Variants in CUEDC1 observed in about 807,000 individuals in gnomAD.
CUEDC1 encodes CUE domain containing 1.
In CUEDC1, 30 loss-of-function variants were observed where a neutral mutation model predicts 43.7. The ratio of observed to expected loss-of-function variants is 0.69; its 90% CI spans 0.51 to 0.93. CUEDC1 has a LOEUF of 0.93. CUEDC1 is among the 40% of genes least tolerant of loss of function. CUEDC1 has a pLI of 0.00. For missense variants in CUEDC1, 486 were observed against 549.0 expected (o/e 0.89, Z 1.15); for synonymous variants, 223 against 223.6 (o/e 1.00, Z 0.02).
chr17:57,905,277 C>CACACAT (rs1555565851), intron 1 of CUEDC1, among the ~76,000 whole-genome samples: 3,443 of 151,160 alleles, frequency 0.023, 85 homozygotes, highest in South Asian at 0.1. Context: ...CACACACACA[C>CACACAT]ACACACACAC....
At chr17:57,909,394 C>T (rs76336067) in intron 1 of CUEDC1, among the ~76,000 whole-genome samples, 2 of 152,140 alleles carry the variant, frequency 1.3e-5, no homozygotes, top group African/African-American at 4.8e-5. Context: ...TTGAACAGGA[C>T]GTATTTTAGA....
At chr17:57,916,785 C>G (rs1338360484) in intron 1 of CUEDC1, among the ~76,000 whole-genome samples, 1 of 152,218 alleles carries the variant, frequency 6.6e-6, no homozygotes, top group Admixed American at 6.5e-5. Flanking sequence ...TGAGCACTTA[C>G]TTTACAAAAG....
intron 1 of CUEDC1, among the ~76,000 whole-genome samples, chr17:57,911,387 G>A (rs1011992813): frequency 1.3e-5 from 2 of 152,218 alleles, no homozygotes; most frequent in Non-Finnish European, 2.9e-5. Context: ...CCTCTTAAGG[G>A]TGGTTTGGTA....
intron 1 of CUEDC1, among the ~76,000 whole-genome samples, chr17:57,917,688 C>T (rs73993002): frequency 0.022 from 3,305 of 152,274 alleles, 125 homozygotes; most frequent in African/African-American, 0.074. Flanking sequence ...GAGTAAGTGG[C>T]AAAGCTAGGA....
chr17:57,938,761 C>T (rs182966075), intron 1 of CUEDC1, among the ~76,000 whole-genome samples: 94 of 152,088 alleles, frequency 6.2e-4, no homozygotes, highest in Non-Finnish European at 1.3e-4. Context: ...CTCCCGGGTT[C>T]GAGCGATTCT....
Position 57,862,049 on chromosome 17 carries a change from G to A in CUEDC1, c.*1240C>T, listed in dbSNP as rs944039598. On this transcript the variant is annotated 3_prime_UTR_variant, in exon 11 of 11. Coordinates refer to ENST00000577830, the MANE Select transcript of CUEDC1 (RefSeq NM_001271875.2). ...TACGCCCTTGTGATCTTGGGGCCAC[G>A]GAGGCCACCAGGGCCCGGCCAAGGA... The A allele has an allele frequency of 3.9e-5, 6 of 152,208 alleles. No homozygotes were observed. The highest frequency in any genetic ancestry group is 1.4e-4 in the African/African-American group (6 of 41,462). The allele number at this position is 152,208 out of a possible 1,614,324, so 9.4% of individuals were successfully genotyped here.
rs1442774556 is a variant in CUEDC1 at position 57,931,278 on chromosome 17, C to CA, written c.-316+23946dup. Among the ~76,000 whole-genome samples, 9 of 150,002 alleles carry CA rather than the reference C, an allele frequency of 6.0e-5. No individual in the cohort carries two copies. The East Asian group carries it at 9.7e-4, about 16-fold the overall frequency. On this transcript the variant is annotated intron_variant, in intron 1 of 10. Coordinates refer to ENST00000577830, the MANE Select transcript of CUEDC1 (RefSeq NM_001271875.2). ...TGGGTGACTAAGTGACATCCTGTCT[C>CA]AAAAAAAAGAAAGAAAGAAAAAAGA... is the stretch of plus-strand genomic sequence containing the variant.
intron 1 of CUEDC1, among the ~76,000 whole-genome samples, chr17:57,921,301 T>C (rs1027715436): frequency 1.3e-5 from 2 of 152,222 alleles, no homozygotes; most frequent in Admixed American, 1.3e-4. Flanking sequence ...GGCATAAAAG[T>C]TCCTTGTGAA....
intron 1 of CUEDC1, among the ~76,000 whole-genome samples, chr17:57,907,981 T>C (rs1456620712): frequency 6.6e-6 from 1 of 152,070 alleles, no homozygotes; most frequent in Non-Finnish European, 1.5e-5. Flanking sequence ...GGGAATAAGA[T>C]AAAAACTGCC....
intron 1 of CUEDC1, among the ~76,000 whole-genome samples, chr17:57,887,158 C>G (rs2074301436): frequency 6.6e-6 from 1 of 152,116 alleles, no homozygotes; most frequent in Non-Finnish European, 1.5e-5. Flanking sequence ...CCCAGTTCTC[C>G]TGCCCCAGCC....
intron 1 of CUEDC1, among the ~76,000 whole-genome samples, chr17:57,942,204 T>C (rs1237774908): frequency 6.6e-6 from 1 of 152,168 alleles, no homozygotes; most frequent in East Asian, 1.9e-4. Flanking sequence ...TGGAGCTGGC[T>C]GGGCTGGGAG....
rs1357831297 is a variant in CUEDC1, at chr17:57,955,067, C to A, written c.-316+158G>T. On this transcript the variant is annotated intron_variant, in intron 1 of 10. Coordinates refer to ENST00000577830, the MANE Select transcript of CUEDC1 (RefSeq NM_001271875.2). The surrounding 1 kb of genome is among the most constrained non-coding windows in gnomAD (Gnocchi z 5.3). ...GAGCCGCGCCGACAGCCCCGGGAAT[C>A]AAACTCGCGACGGCCCGGCCCTCCC... 1.3e-5 allele frequency among the ~76,000 whole-genome samples: 2 copies of A among 150,848 alleles called. No individual in the cohort carries two copies. The highest frequency in any genetic ancestry group is 3.9e-4 in the East Asian group (2 of 5,098).
In CUEDC1 at chr17:57,864,168, G is replaced by A. The variant is rs139337848; in HGVS notation, c.*4-883C>T. Among the ~76,000 whole-genome samples, 468 of 152,154 alleles carry A rather than the reference G, an allele frequency of 3.1e-3. 3 individuals carry two copies. Among genetic ancestry groups the A allele is most frequent in the African/African-American group, 9.8e-3 (406 of 41,516 alleles). On this transcript the variant is annotated intron_variant, in intron 10 of 10. Coordinates refer to ENST00000577830, the MANE Select transcript of CUEDC1 (RefSeq NM_001271875.2). Reference sequence around the variant, plus strand: ...TAGGTGATGAGCATCTATCAGGGTGGTAATGGAAGGAATAGAAAAGAGAAT... The same window carrying A: ...TAGGTGATGAGCATCTATCAGGGTGATAATGGAAGGAATAGAAAAGAGAAT...
At chr17:57,888,452 A>G (rs923770870) in intron 1 of CUEDC1, among the ~76,000 whole-genome samples, 4 of 152,210 alleles carry the variant, frequency 2.6e-5, no homozygotes, top group Non-Finnish European at 5.9e-5. Context: ...GAGCCCAGAG[A>G]CGCCCAAGCC....
At chr17:57,865,909 G>A (rs931874604) in intron 10 of CUEDC1, among the ~76,000 whole-genome samples, 5 of 147,562 alleles carry the variant, frequency 3.4e-5, no homozygotes, top group East Asian at 2.0e-4. Context: ...TGCCACCTCC[G>A]CCTCCCAGAT....
intron 3 of CUEDC1, among the ~76,000 whole-genome samples, chr17:57,875,288 C>T (rs1421809198): frequency 6.6e-6 from 1 of 152,208 alleles, no homozygotes; most frequent in Non-Finnish European, 1.5e-5. Flanking sequence ...ACCTCGGAGC[C>T]ACCCAGGAAA....
At chr17:57,917,621 T>C (rs1454112866) in intron 1 of CUEDC1, among the ~76,000 whole-genome samples, 1 of 152,202 alleles carries the variant, frequency 6.6e-6, no homozygotes, top group South Asian at 2.1e-4. Flanking sequence ...CTTCTCCCCA[T>C]TGACTGATGT....
At position 57,869,132 on chromosome 17, in the gene CUEDC1, G is replaced by GT; in HGVS notation, c.929dup (p.His310GlnfsTer12). On this transcript the variant is annotated frameshift_variant, in exon 7 of 11. Coordinates refer to ENST00000577830, the MANE Select transcript of CUEDC1 (RefSeq NM_001271875.2). LOFTEE classifies it high-confidence loss of function. ...CTGAGTGGGACTCACACTTTCCCATGTGTTTCAGCTTGTCCCTGAATAAGG... is the reference window on the plus strand; with the variant it reads ...CTGAGTGGGACTCACACTTTCCCATGTTGTTTCAGCTTGTCCCTGAATAAGG... 6.2e-7 allele frequency: 1 copy of GT among 1,614,006 alleles called. No individual in the cohort carries two copies. The highest frequency in any genetic ancestry group is 1.3e-5 in the African/African-American group (1 of 75,058).
At chr17:57,916,326 G>A (rs1256894957) in intron 1 of CUEDC1, among the ~76,000 whole-genome samples, 1 of 152,246 alleles carries the variant, frequency 6.6e-6, no homozygotes. Flanking sequence ...ATGCAGCGGG[G>A]TCTCCCACCC....
Sources: gnomAD v4.1 joint callset for allele counts (sites outside exome capture counted in the v4.1 genomes callset) on GRCh38, gnomAD v4.1.1 for gene constraint, Gnocchi (gnomAD v3.1) non-coding constraint, MANE v1.5 for transcripts, NCBI Gene and HGNC (gene_info 2026-07-23, HGNC 2026-07-21) for gene names.